AP1S3: variants seen among roughly 807,000 people sequenced by gnomAD.
The protein encoded by AP1S3 is AP-1 complex subunit sigma-3.
Under a neutral mutation model 20.9 loss-of-function variants are expected in AP1S3, and 10 were observed. The ratio of observed to expected loss-of-function variants is 0.48; its 90% CI spans 0.29 to 0.81. AP1S3 has a LOEUF of 0.81. AP1S3 is among the 30% of genes least tolerant of loss of function. The probability of loss-of-function intolerance (pLI) is 0.08; values close to 1 mark genes in which losing one functional copy is unlikely to be tolerated. For missense variants in AP1S3, 154 were observed against 183.8 expected (o/e 0.84, Z 0.94); for synonymous variants, 41 against 61.5 (o/e 0.67, Z 1.56).
intron 1 of AP1S3, among the ~76,000 whole-genome samples, chr2:223,820,630 T>C (rs1417188904): frequency 1.4e-5 from 2 of 143,348 alleles, no homozygotes; most frequent in African/African-American, 2.6e-5. Flanking sequence ...ATATTCTATA[T>C]ACCTAGGAAA....
chr2:223,831,127 A>T (rs77415428), intron 1 of AP1S3, among the ~76,000 whole-genome samples: 3,954 of 151,906 alleles, frequency 0.026, 76 homozygotes, highest in Non-Finnish European at 0.035. Context: ...TGAGCCTCCA[A>T]CCCTGGCCCC....
chr2:223,770,261 GCAGGCGTAGAC>G (rs762842043), intron 3 of AP1S3: 13 of 1,550,634 alleles, frequency 8.4e-6, no homozygotes, highest in Non-Finnish European at 1.1e-5. Flanking sequence ...GGAGTTCAAG[GCAGGCGTAGAC>G]CAGGAATCCA....
intron 1 of AP1S3, among the ~76,000 whole-genome samples, chr2:223,835,047 T>A (rs1187459653): frequency 1.4e-5 from 1 of 69,854 alleles, no homozygotes; most frequent in Non-Finnish European, 3.6e-5. Flanking sequence ...ATTAATATCT[T>A]AGTATTATTA....
At chr2:223,819,693 T>G (rs993295522) in intron 1 of AP1S3, among the ~76,000 whole-genome samples, 9 of 152,126 alleles carry the variant, frequency 5.9e-5, no homozygotes, top group Non-Finnish European at 5.9e-5. Context: ...CCATTTTTGC[T>G]CAAGGTCCTA....
intron 3 of AP1S3, among the ~76,000 whole-genome samples, chr2:223,767,355 T>C (rs1289786625): frequency 6.6e-6 from 1 of 152,200 alleles, no homozygotes; most frequent in Non-Finnish European, 1.5e-5. Context: ...TGTCTATCTC[T>C]GATAATTCCT....
In AP1S3 at chr2:223,777,817, C is replaced by A. The variant is rs781687964; in HGVS notation, c.56G>T (p.Trp19Leu). 5.6e-6 allele frequency: 9 copies of A among 1,613,888 alleles called. No individual in the cohort carries two copies. The highest frequency in any genetic ancestry group is 7.6e-6 in the Non-Finnish European group (9 of 1,179,988). ...SRQGKLRLQKWYITLPDKERK... is the reference protein window; with the variant it reads ...SRQGKLRLQKLYITLPDKERK... The stretch of plus-strand genomic sequence containing the variant: ...CTCTTTATCAGGGAGAGTGATGTAC[C>A]ATTTCTGTAGCCGTAATTTCCCTTG... Residue 19 changes from tryptophan (W) to leucine (L), a missense_variant, in exon 2 of 5, where the codon TGG (tryptophan) becomes TTG (leucine). Transcript: ENST00000396654.
intron 3 of AP1S3, among the ~76,000 whole-genome samples, chr2:223,774,467 AAAC>A (rs1448060312): frequency 1.3e-5 from 2 of 152,150 alleles, no homozygotes; most frequent in Admixed American, 1.3e-4. Flanking sequence ...TTGAAAGGTT[AAAC>A]AACAGGCTGG....
chr2:223,833,760 T>C (rs1011225377), intron 1 of AP1S3, among the ~76,000 whole-genome samples: 1 of 151,872 alleles, frequency 6.6e-6, no homozygotes, highest in Non-Finnish European at 1.5e-5. Context: ...AGAGGAGAGG[T>C]GATGGTTACT....
At chr2:223,820,042 T>C (rs1427417123) in intron 1 of AP1S3, among the ~76,000 whole-genome samples, 5 of 152,244 alleles carry the variant, frequency 3.3e-5, no homozygotes, top group African/African-American at 1.2e-4. Flanking sequence ...CAAATTTTAT[T>C]GGCATAATGT....
chr2:223,797,802 T>C (rs537631209), intron 1 of AP1S3, among the ~76,000 whole-genome samples: 1 of 152,268 alleles, frequency 6.6e-6, no homozygotes, highest in Non-Finnish European at 1.5e-5. Flanking sequence ...TAAAACCTTG[T>C]TCAAGCTAAA....
At chr2:223,776,235 A>C (rs1690781828) in intron 2 of AP1S3, 2 of 628,566 alleles carry the variant, frequency 3.2e-6, no homozygotes, top group Non-Finnish European at 6.1e-6. Flanking sequence ...AAAGACTCTC[A>C]ACAAAATTTT....
intron 1 of AP1S3, among the ~76,000 whole-genome samples, chr2:223,787,185 C>T (rs1691098132): frequency 6.6e-6 from 1 of 152,168 alleles, no homozygotes; most frequent in Admixed American, 6.5e-5. Context: ...TTCCCCTTCG[C>T]CTTCAACCAT....
chr2:223,798,605 T>A (rs1303356269), intron 1 of AP1S3, among the ~76,000 whole-genome samples: 1 of 152,158 alleles, frequency 6.6e-6, no homozygotes, highest in African/African-American at 2.4e-5. Flanking sequence ...CTGTTATCCA[T>A]CCACCTGTAT....
At position 223,755,812 on chromosome 2, in the gene AP1S3, G is replaced by A; in HGVS notation, c.*2903C>T. On this transcript the variant is annotated 3_prime_UTR_variant, in exon 5 of 5. Transcript: ENST00000396654. ...CCCAAAGTGCTGGGATTACAGGCGTGAGCCACCTTGCCCAGAAGAGATATA... is the reference window on the plus strand; with the variant it reads ...CCCAAAGTGCTGGGATTACAGGCGTAAGCCACCTTGCCCAGAAGAGATATA... The A allele has an allele frequency of 6.1e-6, 6 of 985,140 alleles. No homozygotes were observed. The highest frequency in any genetic ancestry group is 7.2e-6 in the Non-Finnish European group (6 of 829,678). 61.0% of individuals were successfully genotyped at this position (985,140 alleles called of 1,614,324 possible).
chr2:223,795,308 T>C (rs1025191575), intron 1 of AP1S3, among the ~76,000 whole-genome samples: 1 of 152,204 alleles, frequency 6.6e-6, no homozygotes, highest in Admixed American at 6.5e-5. Flanking sequence ...CCTTTTGTAA[T>C]GTATCCTTAG....
At chr2:223,803,738 G>A (rs1015442553) in intron 1 of AP1S3, among the ~76,000 whole-genome samples, 8 of 152,020 alleles carry the variant, frequency 5.3e-5, no homozygotes, top group Admixed American at 5.3e-4. Context: ...AAATTAGCCG[G>A]GAGTGGTGGC....
At position 223,805,196 on chromosome 2, in the gene AP1S3, TG is replaced by T. The variant is rs138195755; in HGVS notation, c.4-27328del. Among the ~76,000 whole-genome samples the T allele has an allele frequency of 3.5e-3, 526 of 152,336 alleles. 2 individuals are homozygous for T. Among genetic ancestry groups the T allele is most frequent in the African/African-American group, 0.012 (493 of 41,582 alleles). ...GCTCACGCCTCTAATCCGAGCACTT[TG>T]AGGGGCTGAAGTGGGTGGATCACCT... is the stretch of plus-strand genomic sequence containing the variant. On this transcript the variant is annotated intron_variant, in intron 1 of 4. Transcript: ENST00000396654.
At chr2:223,774,242 G>C (rs1184209158) in intron 3 of AP1S3, among the ~76,000 whole-genome samples, 4 of 152,104 alleles carry the variant, frequency 2.6e-5, no homozygotes, top group Non-Finnish European at 5.9e-5. Flanking sequence ...GCGGGGGCCC[G>C]TAAACCTAGC....
In AP1S3 at chr2:223,756,449, A is replaced by G; in HGVS notation, c.*2266T>C. 2 of 810,788 alleles carry G rather than the reference A, an allele frequency of 2.5e-6. No homozygotes were observed. Among genetic ancestry groups the G allele is most frequent in the Non-Finnish European group, 3.0e-6 (2 of 671,588 alleles). The allele number at this position is 810,788 out of a possible 1,614,324, so 50.2% of individuals were successfully genotyped here. ...AGAAGAAGGAAGGAAGAAAGGAAGG[A>G]AAAGAAAGAAAGAAAGAAAAGAAAG... On this transcript the variant is annotated 3_prime_UTR_variant, in exon 5 of 5. Coordinates refer to ENST00000396654, the MANE Select transcript of AP1S3 (RefSeq NM_001039569.2).
Sources: gnomAD v4.1 joint callset for allele counts (sites outside exome capture counted in the v4.1 genomes callset) on GRCh38, gnomAD v4.1.1 for gene constraint, MANE v1.5 for transcripts, NCBI Gene and HGNC (gene_info 2026-07-23, HGNC 2026-07-21) for gene names.